DMBT1: variants seen among roughly 807,000 people sequenced by gnomAD.
DMBT1 encodes the protein deleted in malignant brain tumors 1, also known as scavenger receptor cysteine-rich domain-containing protein DMBT1.
A neutral mutation model predicts 252.9 loss-of-function variants in DMBT1; 198 were observed. The observed-to-expected ratio is 0.78, with a 90% CI of 0.70 to 0.88. DMBT1 has a LOEUF of 0.88. Ranked by LOEUF, DMBT1 falls within the 40% of genes least tolerant of loss-of-function variation. The pLI is 0.00. For synonymous variants in DMBT1, 990 were observed against 942.7 expected (o/e 1.05, Z -0.92); for missense variants, 2,432 against 2,404.7 (o/e 1.01, Z -0.24).
In DMBT1 at chr10:122,617,277, C is replaced by A; in HGVS notation, c.4891+17C>A. The A allele has an allele frequency of 6.2e-7, 1 of 1,608,392 alleles. No individual in the cohort carries two copies. On this transcript the variant is annotated intron_variant, in intron 40 of 55. Coordinates refer to ENST00000338354, the MANE Select transcript of DMBT1 (RefSeq NM_001377530.1). ...CAACAGCAGGTAAACAATCCTCTCA[C>A]CCCTCCCTAGGGCTCACTATCTCTG...
At chr10:122,618,977 C>T (rs908024954) in intron 41 of DMBT1, among the ~76,000 whole-genome samples, 1 of 152,228 alleles carries the variant, frequency 6.6e-6, no homozygotes, top group Non-Finnish European at 1.5e-5. Flanking sequence ...TGTAAGATCA[C>T]ACAAGGCATT....
chr10:122,598,602 G>A (rs1443829328), intron 25 of DMBT1, among the ~76,000 whole-genome samples, 172 bp from the exon 26 acceptor site: 3 of 152,192 alleles, frequency 2.0e-5, no homozygotes, highest in Non-Finnish European at 4.4e-5. Context: ...AGAATAGGGT[G>A]TCACTGCTTC....
chr10:122,592,347 G>A lies in DMBT1; in HGVS notation c.2252G>A (p.Arg751Gln), dbSNP rs898259673. ...CAGGGCCGAGTAGAGGTCCTATACC[G>A]AGGCTCCTGGGGCACCGTGTGTGAT... ...RCQGRVEVLY[R>Q]GSWGTVCDDS... is the part of the protein sequence containing the mutation. The change falls in exon 20 of 56, where the codon CGA becomes CAA. Residue 751 changes from arginine (R) to glutamine (Q), a missense_variant. Arg to Gln is a conservative substitution (Grantham distance 43, BLOSUM62 1). Coordinates refer to ENST00000338354, the MANE Select transcript of DMBT1 (RefSeq NM_001377530.1). The A allele has an allele frequency of 1.1e-5, 17 of 1,588,080 alleles. No individual in the cohort carries two copies. In the African/African-American group the frequency reaches 1.5e-4, roughly 14 times the overall value.
At chr10:122,621,865 G>A (rs2098073137) in intron 44 of DMBT1, among the ~76,000 whole-genome samples, 1 of 152,212 alleles carries the variant, frequency 6.6e-6, no homozygotes, top group Admixed American at 6.5e-5. Context: ...GGGTATCTGT[G>A]CATGTGTGAC....
intron 26 of DMBT1, 25 bp downstream of exon 26, chr10:122,599,122 A>C (rs766769409): frequency 1.2e-6 from 2 of 1,613,542 alleles, no homozygotes; most frequent in Non-Finnish European, 1.7e-6. Flanking sequence ...ACTTGGGATC[A>C]CTCTCTTGGG....
chr10:122,631,050 G>C lies in DMBT1; in HGVS notation c.6115G>C (p.Val2039Leu). The change falls in exon 49 of 56, where the codon GTT becomes CTT. Residue 2039 changes from valine to leucine, a missense_variant. This residue lies in a region of DMBT1 where 1,162 missense variants were observed against 1,169.0 expected (regional missense o/e 0.99). Coordinates refer to ENST00000338354, the MANE Select transcript of DMBT1 (RefSeq NM_001377530.1). ...EIYHGGTWGT[V>L]CDDSWTIQEA... ...TTACCATGGTGGCACCTGGGGGACA[G>C]TTTGTGATGACTCCTGGACCATTCA... The C allele has an allele frequency of 1.2e-6, 2 of 1,613,934 alleles. No homozygotes were observed. Among genetic ancestry groups the C allele is most frequent in the Non-Finnish European group, 1.7e-6 (2 of 1,179,826 alleles).
intron 26 of DMBT1, 27 bp downstream of exon 26, chr10:122,599,124 T>A: frequency 6.2e-7 from 1 of 1,613,734 alleles, no homozygotes; most frequent in African/African-American, 1.3e-5. Context: ...TTGGGATCAC[T>A]CTCTTGGGGT....
intron 6 of DMBT1, among the ~76,000 whole-genome samples, chr10:122,574,649 A>AC (rs1165982544): frequency 1.3e-5 from 2 of 152,162 alleles, no homozygotes; most frequent in Non-Finnish European, 2.9e-5. Flanking sequence ...CAAGATTCCC[A>AC]CATTTTCTTA....
At chr10:122,587,100 C>G (rs1227911161) in intron 16 of DMBT1, among the ~76,000 whole-genome samples, 1 of 148,350 alleles carries the variant, frequency 6.7e-6, no homozygotes. Context: ...GGGATCCAAT[C>G]CCAACATGAG....
rs147761345 is a variant in DMBT1 at position 122,643,232 on chromosome 10, G to A, written c.7463G>A (p.Arg2488His). Residue 2488 changes from arginine to histidine, a missense_variant, in exon 56 of 56, where the codon CGT (arginine) becomes CAT (histidine). This residue lies in a region of DMBT1 where 1,162 missense variants were observed against 1,169.0 expected (regional missense o/e 0.99). Transcript: ENST00000338354. The part of the protein sequence containing the change: ...FLNRFPSVYL[R>H]CKMVVCRAYD... The stretch of plus-strand genomic sequence containing the variant: ...AACCGCTTCCCCTCCGTGTACCTGC[G>A]TTGTAAAATGGTGGTGTGCAGAGCG... 9.3e-4 allele frequency: 1,509 copies of A among 1,613,926 alleles called. 9 individuals carry two copies. The African/African-American group carries it at 0.018, about 19-fold the overall frequency.
intron 55 of DMBT1, among the ~76,000 whole-genome samples, chr10:122,640,659 T>A (rs903780869): frequency 6.6e-6 from 1 of 152,214 alleles, no homozygotes; most frequent in Non-Finnish European, 1.5e-5. Flanking sequence ...CCCTGATTTC[T>A]CATCAGGTAG....
intron 46 of DMBT1, among the ~76,000 whole-genome samples, chr10:122,628,118 C>T (rs759939412): frequency 3.3e-5 from 5 of 152,256 alleles, no homozygotes; most frequent in Admixed American, 6.5e-5. Flanking sequence ...GGTGGCTCCT[C>T]GAAAGGTTAG....
At chr10:122,620,855 G>C (rs1393903581) in intron 43 of DMBT1, among the ~76,000 whole-genome samples, 1 of 152,192 alleles carries the variant, frequency 6.6e-6, no homozygotes, top group East Asian at 1.9e-4. Context: ...CCCAATACTT[G>C]AGCTTCCATA....
At chr10:122,617,005 C>T (rs1219608251) in intron 39 of DMBT1, among the ~76,000 whole-genome samples, 11 of 133,852 alleles carry the variant, frequency 8.2e-5, no homozygotes, top group Non-Finnish European at 1.4e-4. Context: ...TAGAAAGATA[C>T]CCCAGGATTA....
rs779867706 is a variant in DMBT1 at position 122,617,997 on chromosome 10, G to T, written c.4892-20G>T. 4.2e-5 allele frequency: 67 copies of T among 1,611,720 alleles called. No homozygotes were observed. The highest frequency in any genetic ancestry group is 5.6e-5 in the Non-Finnish European group (66 of 1,179,670). The stretch of plus-strand genomic sequence containing the variant: ...ACCTCCTGGTGGGGATGGATGAAGG[G>T]TTCTTGTGTTCCCCTGTAGGATCTG... On this transcript the variant is annotated intron_variant, in intron 40 of 55. Coordinates refer to ENST00000338354, the MANE Select transcript of DMBT1 (RefSeq NM_001377530.1).
At position 122,576,727 on chromosome 10, in the gene DMBT1, G is replaced by T. The variant is rs945211443; in HGVS notation, c.607+5G>T. ...ATGCTGGTGTTATCTGCTCAGGTAG[G>T]CATCCAGATCTCTGGAGGGTTGGGT... On this transcript the variant is annotated splice_donor_5th_base_variant and intron_variant, in intron 7 of 55. Transcript: ENST00000338354. 11 of 1,613,630 alleles carry T rather than the reference G, an allele frequency of 6.8e-6. No homozygotes were observed. The highest frequency in any genetic ancestry group is 9.3e-6 in the Non-Finnish European group (11 of 1,179,714).
In DMBT1 at chr10:122,592,402, G is replaced by A. The variant is rs371814966; in HGVS notation, c.2307G>A (p.Val769=). 12 of 1,588,438 alleles carry A rather than the reference G, an allele frequency of 7.6e-6. 3 individuals are homozygous for A. Among genetic ancestry groups the A allele is most frequent in the African/African-American group, 2.7e-5 (2 of 74,520 alleles). ...DDSWDTNDAN[V]VCRQLGCGWA... is the part of the protein sequence containing the mutation. ...GCTGGGATACCAATGATGCCAATGTGGTCTGCAGGCAGCTGGGCTGTGGCT... is the reference window on the plus strand; with the variant it reads ...GCTGGGATACCAATGATGCCAATGTAGTCTGCAGGCAGCTGGGCTGTGGCT... The change falls in exon 20 of 56, where the codon GTG becomes GTA. Residue 769 remains valine (V), a synonymous_variant. Coordinates refer to ENST00000338354, the MANE Select transcript of DMBT1 (RefSeq NM_001377530.1).
Position 122,601,171 on chromosome 10 carries a change from A to C in DMBT1, c.3343+148A>C, listed in dbSNP as rs571840652. ...AGGAAGGTGGAATCTCTGAGGAGCC[A>C]GTGCTGGGTCTGATGTTTGAGGATG... On this transcript the variant is annotated intron_variant, in intron 28 of 55. Transcript: ENST00000338354. The C allele has an allele frequency of 7.7e-6, 3 of 387,472 alleles. No individual in the cohort carries two copies. The East Asian group carries it at 1.2e-4, about 15-fold the overall frequency. 24.0% of individuals were successfully genotyped at this position (387,472 alleles called of 1,614,324 possible).
rs745590831 is a variant in DMBT1, at chr10:122,627,944, C to T, written c.5669-1896C>T. ...GCAGAGAAGGCATTGGAAAGATGCT[C>T]AATGTCATTAGCCGTCAGGGTCATG... On this transcript the variant is annotated intron_variant, in intron 46 of 55. Coordinates refer to ENST00000338354, the MANE Select transcript of DMBT1 (RefSeq NM_001377530.1). 3.3e-4 allele frequency among the ~76,000 whole-genome samples: 50 copies of T among 152,192 alleles called. 1 individual carries two copies. Among genetic ancestry groups the T allele is most frequent in the Non-Finnish European group, 5.6e-4 (38 of 68,048 alleles).
Sources: allele counts gnomAD v4.1 joint callset (sites outside exome capture counted in the v4.1 genomes callset), GRCh38; gene constraint gnomAD v4.1.1; regional missense constraint gnomAD v4.1.1; transcripts MANE v1.5; gene names NCBI Gene and HGNC (gene_info 2026-07-23, HGNC 2026-07-21).